DGLUCY: variants seen among roughly 807,000 people sequenced by gnomAD.
DGLUCY encodes the protein D-glutamate cyclase, mitochondrial.
DGLUCY carries 58 observed loss-of-function variants against 58.5 expected under a neutral mutation model. That is an observed-to-expected ratio of 0.99 (90% confidence interval 0.80 to 1.23). The LOEUF (loss-of-function observed/expected upper bound fraction) is 1.23. DGLUCY is among the 50% of genes most tolerant of loss of function. The pLI is 0.00. For missense variants in DGLUCY, 779 were observed against 784.7 expected, an observed-to-expected ratio of 0.99 and a Z score of 0.09; for synonymous variants, 325 against 314.1, an observed-to-expected ratio of 1.03 and a Z score of -0.37.
At chr14:91,061,830 G>A (rs1006253767) in intron 1 of DGLUCY, among the ~76,000 whole-genome samples, 2 of 152,204 alleles carry the variant, frequency 1.3e-5, no homozygotes, top group African/African-American at 4.8e-5. Context: ...TTAGTACACA[G>A]TGATGAACTG....
At chr14:91,151,728 C>T (rs919673245) in intron 1 of DGLUCY, among the ~76,000 whole-genome samples, 3 of 149,380 alleles carry the variant, frequency 2.0e-5, no homozygotes, top group African/African-American at 7.4e-5. Flanking sequence ...GATCTTGGCT[C>T]ACTGCAACCT....
intron 8 of DGLUCY, among the ~76,000 whole-genome samples, chr14:91,188,680 A>T (rs1269360149): frequency 6.6e-6 from 1 of 152,022 alleles, no homozygotes; most frequent in Non-Finnish European, 1.5e-5. Flanking sequence ...GCCAAAAAAA[A>T]TTAGCGGGCT....
chr14:91,171,390 C>A (rs1453225669), intron 5 of DGLUCY, among the ~76,000 whole-genome samples: 1 of 152,244 alleles, frequency 6.6e-6, no homozygotes, highest in African/African-American at 2.4e-5. Flanking sequence ...CAGGGCTTCA[C>A]TGACCCCGAT....
At chr14:91,149,694 G>A (rs989695288) in intron 1 of DGLUCY, among the ~76,000 whole-genome samples, 4 of 152,228 alleles carry the variant, frequency 2.6e-5, no homozygotes, top group African/African-American at 9.6e-5. Flanking sequence ...AAACACGTGT[G>A]CTCTAGTTTT....
At chr14:91,202,889 C>T (rs1311233345) in intron 11 of DGLUCY, among the ~76,000 whole-genome samples, 2 of 152,198 alleles carry the variant, frequency 1.3e-5, no homozygotes, top group Admixed American at 6.5e-5. Flanking sequence ...TGGCCCCCGC[C>T]GCCCCAGACC....
upstream of DGLUCY, among the ~76,000 whole-genome samples, chr14:91,113,875 C>T (rs1034713846): frequency 9.2e-5 from 14 of 152,226 alleles, no homozygotes; most frequent in African/African-American, 3.4e-4. Context: ...TCAATTACAT[C>T]TGCATTTCTG....
At chr14:91,210,925 T>C (rs1885583595) in intron 12 of DGLUCY, among the ~76,000 whole-genome samples, 1 of 152,164 alleles carries the variant, frequency 6.6e-6, no homozygotes, top group Admixed American at 6.5e-5. Flanking sequence ...AATAAAATTG[T>C]CTTTGCTTGC....
chr14:91,163,356 A>G (rs1377665102), intron 3 of DGLUCY, among the ~76,000 whole-genome samples: 2 of 152,178 alleles, frequency 1.3e-5, no homozygotes, highest in African/African-American at 4.8e-5. Flanking sequence ...AGCCAGCCAA[A>G]TCCCCTCCCA....
rs1218270736 is a variant in DGLUCY, at chr14:91,149,176, G to A, written c.-81-8463G>A. On this transcript the variant is annotated intron_variant, in intron 1 of 13. Coordinates refer to ENST00000256324, the MANE Select transcript of DGLUCY (RefSeq NM_001102368.3). ...GCAGGAGAATCACTTGAACCCGTGCGGCGGAGGTTGCTGTGAGCCGAGATG... is the reference window on the plus strand; with the variant it reads ...GCAGGAGAATCACTTGAACCCGTGCAGCGGAGGTTGCTGTGAGCCGAGATG... 2.0e-5 allele frequency among the ~76,000 whole-genome samples: 3 copies of A among 151,874 alleles called. No homozygotes were observed. The South Asian group carries it at 6.2e-4, about 32-fold the overall frequency.
chr14:91,086,250 A>AT (rs2044217428), intron 1 of DGLUCY, among the ~76,000 whole-genome samples: 3 of 152,184 alleles, frequency 2.0e-5, no homozygotes, highest in African/African-American at 4.8e-5. Flanking sequence ...ATTATATATT[A>AT]CAATGTGATA....
At chr14:91,153,594 A>G (rs7154942) in intron 1 of DGLUCY, among the ~76,000 whole-genome samples, 2,559 of 152,266 alleles carry the variant, frequency 0.017, 70 homozygotes, top group African/African-American at 0.058. Flanking sequence ...TGAAAGGAAA[A>G]GAGGAAAACC....
intron 1 of DGLUCY, among the ~76,000 whole-genome samples, chr14:91,122,332 T>C (rs1197552465): frequency 6.6e-6 from 1 of 152,038 alleles, no homozygotes; most frequent in African/African-American, 2.4e-5. Context: ...TTTTTATTTT[T>C]TGTAGAGATG....
At chr14:91,105,571 G>A (rs1318415285), upstream of DGLUCY, among the ~76,000 whole-genome samples, 1 of 152,164 alleles carries the variant, frequency 6.6e-6, no homozygotes, top group Non-Finnish European at 1.5e-5. Context: ...CAACATAGAG[G>A]AATATGTGGA....
At chr14:91,084,473 G>A (rs2044178566) in intron 1 of DGLUCY, among the ~76,000 whole-genome samples, 1 of 152,022 alleles carries the variant, frequency 6.6e-6, no homozygotes, top group African/African-American at 2.4e-5. Context: ...CCAAAGTGCT[G>A]GGATTACAGG....
intron 3 of DGLUCY, 41 bp downstream of exon 3, chr14:91,160,438 A>G (rs893335338): frequency 5.1e-5 from 69 of 1,357,102 alleles, no homozygotes; most frequent in Non-Finnish European, 5.9e-5. Context: ...AAAAAAAAAA[A>G]AAAGAAAGTT....
At chr14:91,082,960 G>GT (rs2044152108) in intron 1 of DGLUCY, among the ~76,000 whole-genome samples, 1 of 152,038 alleles carries the variant, frequency 6.6e-6, no homozygotes, top group South Asian at 2.1e-4. Context: ...GTCTCACTAT[G>GT]TTGCCCAGGT....
chr14:91,116,571 A>G (rs1368093764), intron 1 of DGLUCY, among the ~76,000 whole-genome samples: 1 of 152,220 alleles, frequency 6.6e-6, no homozygotes, highest in Non-Finnish European at 1.5e-5. Flanking sequence ...CCAGACCCCG[A>G]GAGTGTTCTT....
intron 10 of DGLUCY, 68 bp from the exon 11 acceptor site, chr14:91,199,689 G>C: frequency 1.3e-6 from 2 of 1,555,678 alleles, no homozygotes; most frequent in Non-Finnish European, 8.8e-7. Context: ...AACACAAGAA[G>C]GCATGACCCA....
intron 12 of DGLUCY, among the ~76,000 whole-genome samples, chr14:91,205,781 T>TTCC (rs1442814865): frequency 6.9e-6 from 1 of 145,124 alleles, no homozygotes; most frequent in Non-Finnish European, 1.5e-5. Context: ...CTTCTTCTTC[T>TTCC]TCTTCTTCTT....
Sources: allele counts gnomAD v4.1 joint callset (sites outside exome capture counted in the v4.1 genomes callset), GRCh38; gene constraint gnomAD v4.1.1; transcripts MANE v1.5; gene names NCBI Gene and HGNC (gene_info 2026-07-23, HGNC 2026-07-21).